The following GABRB2 variants were observed in gnomAD, a reference collection of about 807,000 sequenced individuals.
GABRB2 encodes the protein gamma-aminobutyric acid type A receptor subunit beta2.
In GABRB2, 16 loss-of-function variants were observed where a neutral mutation model predicts 54.7. That is an observed-to-expected ratio of 0.29 (90% CI 0.20 to 0.44). The LOEUF is 0.44. GABRB2 is among the 20% of genes least tolerant of loss of function. The pLI is 1.00. For missense variants in GABRB2, 355 were observed against 644.0 expected, an observed-to-expected ratio of 0.55 and a Z score of 4.86; for synonymous variants, 244 against 233.8, an observed-to-expected ratio of 1.04 and a Z score of -0.40.
At chr5:161,394,493 T>C (rs1248216360) in intron 5 of GABRB2, among the ~76,000 whole-genome samples, 1 of 151,864 alleles carries the variant, frequency 6.6e-6, no homozygotes, top group Non-Finnish European at 1.5e-5. Context: ...CAAATCACCA[T>C]ATTAAGAAAG....
rs934766889 is a variant in GABRB2 at position 161,499,346 on chromosome 5, A to T, written c.238-39502T>A. Among the ~76,000 whole-genome samples, 3 of 152,198 alleles carry T rather than the reference A, an allele frequency of 2.0e-5. No homozygotes were observed. The East Asian group carries it at 5.8e-4, about 29-fold the overall frequency. ...GCAAACATGGGAACAGCAAACTGGGAGTCAAAATGACTTTAAGCAAATAAT... is the reference window on the plus strand; with the variant it reads ...GCAAACATGGGAACAGCAAACTGGGTGTCAAAATGACTTTAAGCAAATAAT... On this transcript the variant is annotated intron_variant, in intron 3 of 9. Coordinates refer to ENST00000393959, the MANE Select transcript of GABRB2 (RefSeq NM_001371727.1).
At chr5:161,375,156 T>G (rs952931648) in intron 5 of GABRB2, among the ~76,000 whole-genome samples, 10 of 152,120 alleles carry the variant, frequency 6.6e-5, no homozygotes, top group Non-Finnish European at 1.3e-4. Flanking sequence ...CTAACATACA[T>G]CACAGCCCAC....
chr5:161,322,915 A>G (rs1758253380), intron 9 of GABRB2, among the ~76,000 whole-genome samples: 1 of 151,746 alleles, frequency 6.6e-6, no homozygotes, highest in Non-Finnish European at 1.5e-5. Context: ...ATATTCTTTC[A>G]ATTTTGGTGA....
At chr5:161,340,837 T>A (rs1754135508) in intron 5 of GABRB2, among the ~76,000 whole-genome samples, 2 of 152,024 alleles carry the variant, frequency 1.3e-5, no homozygotes, top group African/African-American at 4.8e-5. Flanking sequence ...ATGGAAAACA[T>A]AGCTGTTCAA....
chr5:161,299,590 T>G (rs1235005961), intron 9 of GABRB2, among the ~76,000 whole-genome samples: 2 of 152,088 alleles, frequency 1.3e-5, no homozygotes, highest in African/African-American at 4.8e-5. Context: ...AGCAAGACAG[T>G]ATATTATCTT....
At chr5:161,417,167 T>G (rs1025672907) in intron 4 of GABRB2, among the ~76,000 whole-genome samples, 12 of 152,230 alleles carry the variant, frequency 7.9e-5, no homozygotes, top group Non-Finnish European at 1.3e-4. Flanking sequence ...AAATAATATC[T>G]TACTTATATT....
chr5:161,456,633 T>A (rs1328335950), intron 4 of GABRB2, among the ~76,000 whole-genome samples: 3 of 152,164 alleles, frequency 2.0e-5, no homozygotes, highest in Non-Finnish European at 4.4e-5. Flanking sequence ...CATTTCTTCA[T>A]GTAAGATGGA....
upstream of GABRB2, among the ~76,000 whole-genome samples, chr5:161,547,578 G>C (rs531845829): frequency 1.3e-5 from 2 of 152,002 alleles, no homozygotes; most frequent in African/African-American, 4.8e-5. Context: ...CAGGAGGGGA[G>C]GGGGGCGAGG....
chr5:161,503,862 G>GAA (rs1361136914), intron 3 of GABRB2, among the ~76,000 whole-genome samples: 1 of 151,802 alleles, frequency 6.6e-6, no homozygotes, highest in Non-Finnish European at 1.5e-5. Flanking sequence ...ATGAAAGAAT[G>GAA]AAAAAAATAT....
At chr5:161,416,093 C>A (rs1435772062) in intron 4 of GABRB2, among the ~76,000 whole-genome samples, 4 of 152,114 alleles carry the variant, frequency 2.6e-5, no homozygotes, top group Admixed American at 1.3e-4. Context: ...TGTGTACCAC[C>A]ATACTTGGCT....
chr5:161,330,090 A>C (rs1753784914), intron 8 of GABRB2: 1 of 151,608 alleles, frequency 6.6e-6, no homozygotes, highest in African/African-American at 2.4e-5. Flanking sequence ...TGGGGAGGGG[A>C]CCAAGGCTTC....
intron 5 of GABRB2, among the ~76,000 whole-genome samples, chr5:161,353,983 C>T (rs942469840): frequency 1.3e-5 from 2 of 151,954 alleles, no homozygotes; most frequent in African/African-American, 4.8e-5. Context: ...CTTTATAGAG[C>T]TACGGTTTTA....
intron 3 of GABRB2, among the ~76,000 whole-genome samples, chr5:161,537,290 C>T (rs1271275525): frequency 6.6e-6 from 1 of 152,204 alleles, no homozygotes; most frequent in Non-Finnish European, 1.5e-5. Context: ...AGAAGCACCA[C>T]TTATATGCTG....
chr5:161,341,012 C>G (rs866916000), intron 5 of GABRB2, among the ~76,000 whole-genome samples: 2 of 151,982 alleles, frequency 1.3e-5, no homozygotes, highest in African/African-American at 4.8e-5. Flanking sequence ...TTATTTTAGG[C>G]TAACCAAGAA....
chr5:161,379,501 A>G (rs1561629220), intron 5 of GABRB2, among the ~76,000 whole-genome samples: 1 of 152,198 alleles, frequency 6.6e-6, no homozygotes, highest in Non-Finnish European at 1.5e-5. Context: ...CAGCAATCAC[A>G]GAACAAGACA....
intron 3 of GABRB2, among the ~76,000 whole-genome samples, chr5:161,527,418 A>T (rs766197803): frequency 6.6e-6 from 1 of 151,486 alleles, no homozygotes; most frequent in Admixed American, 6.6e-5. Flanking sequence ...TTTATTTTTT[A>T]AAAATATTGG....
At chr5:161,373,185 C>T (rs1938354019) in intron 5 of GABRB2, among the ~76,000 whole-genome samples, 1 of 151,978 alleles carries the variant, frequency 6.6e-6, no homozygotes, top group Non-Finnish European at 1.5e-5. Flanking sequence ...AAAAGAAAAC[C>T]AAAAGACCCA....
chr5:161,362,910 A>G (rs1211375644), intron 5 of GABRB2, among the ~76,000 whole-genome samples: 1 of 152,186 alleles, frequency 6.6e-6, no homozygotes, highest in Non-Finnish European at 1.5e-5. Context: ...AGAAATAGGA[A>G]TGCTTTTACA....
At chr5:161,357,517 A>AG (rs1457700837) in intron 5 of GABRB2, among the ~76,000 whole-genome samples, 2 of 45,270 alleles carry the variant, frequency 4.4e-5, no homozygotes, top group Non-Finnish European at 8.1e-5. Flanking sequence ...GAGAGTTTTG[A>AG]GCAAAAAAAA....
Sources: allele counts gnomAD v4.1 joint callset (sites outside exome capture counted in the v4.1 genomes callset), GRCh38; gene constraint gnomAD v4.1.1; transcripts MANE v1.5; gene names NCBI Gene and HGNC (gene_info 2026-07-23, HGNC 2026-07-21).